Variants in CROCC2 observed in about 807,000 individuals in gnomAD.
CROCC2 encodes the protein ciliary rootlet coiled-coil, rootletin family member 2.
In CROCC2, 163 loss-of-function variants were observed where a neutral mutation model predicts 177.6. The observed-to-expected ratio is 0.92, with a 90% confidence interval of 0.81 to 1.05. The LOEUF (loss-of-function observed/expected upper bound fraction) is 1.05. Among genes scored for constraint, CROCC2 ranks in the 50% least tolerant of loss-of-function variants. The pLI is 0.00. For synonymous variants in CROCC2, 904 were observed against 787.3 expected (o/e 1.15, Z -2.48); for missense variants, 1,929 against 1,797.8 (o/e 1.07, Z -1.32).
intron 1 of CROCC2, among the ~76,000 whole-genome samples, chr2:240,907,553 C>A (rs981781128): frequency 5.3e-5 from 8 of 152,172 alleles, no homozygotes; most frequent in Admixed American, 5.2e-4. Flanking sequence ...ATACAGATCA[C>A]CTGAAAAGAG....
intron 28 of CROCC2, 99 bp from the exon 29 acceptor site, chr2:240,988,640 A>C (rs2059856140): frequency 8.3e-7 from 1 of 1,206,964 alleles, no homozygotes; most frequent in Non-Finnish European, 1.1e-6. Context: ...GGGAATTCAG[A>C]GTCCTTCCCA....
chr2:240,935,092 G>C, intron 13 of CROCC2, 30 bp downstream of exon 13: 1 of 1,323,004 alleles, frequency 7.6e-7, no homozygotes, highest in Non-Finnish European at 9.7e-7. Context: ...GGCGGGCCTC[G>C]CTGGAACCTG....
Position 240,933,678 on chromosome 2 carries a change from C to T in CROCC2, c.1472C>T (p.Ala491Val). 6.5e-7 allele frequency: 1 copy of T among 1,550,194 alleles called. No homozygotes were observed. Among genetic ancestry groups the T allele is most frequent in the Non-Finnish European group, 8.7e-7 (1 of 1,146,732 alleles). ...ASCKLLGREKAALEMVVEELK... is the reference protein window; with the variant it reads ...ASCKLLGREKVALEMVVEELK... ...GCCCCCACCATCCCCAGGGAGAAGGCTGCTCTGGAGATGGTGGTGGAGGAG... is the reference window on the plus strand; with the variant it reads ...GCCCCCACCATCCCCAGGGAGAAGGTTGCTCTGGAGATGGTGGTGGAGGAG... The change falls in exon 11 of 32, where the codon GCT (alanine) becomes GTT (valine). Residue 491 changes from alanine to valine, a missense_variant. Transcript: ENST00000690015.
chr2:240,929,602 G>C (rs1165016887), intron 5 of CROCC2: 1 of 450,766 alleles, frequency 2.2e-6, no homozygotes. Flanking sequence ...TGCTGAACTG[G>C]GTACCCAGTG....
At chr2:240,964,365 A>T in intron 21 of CROCC2, 101 bp from the exon 22 acceptor site, 1 of 1,393,436 alleles carries the variant, frequency 7.2e-7, no homozygotes, top group Non-Finnish European at 9.9e-7. Context: ...CAGAGTCAAG[A>T]CTGGGGCCAG....
In CROCC2 at chr2:240,946,920, C is replaced by T. The variant is rs538696692; in HGVS notation, c.2363+667C>T. ...GGACACATGAGGTGGAGAGTGTGGG[C>T]GGGTGAGCCCAAAGGCCCTCAGGGC... On this transcript the variant is annotated intron_variant, in intron 15 of 31. Coordinates refer to ENST00000690015, the MANE Select transcript of CROCC2 (RefSeq NM_001351305.2). Among the ~76,000 whole-genome samples, 372 of 152,324 alleles carry T rather than the reference C, an allele frequency of 2.4e-3. 2 individuals are homozygous for T. Among genetic ancestry groups the T allele is most frequent in the Non-Finnish European group, 2.6e-3 (174 of 68,024 alleles).
chr2:240,941,988 A>G (rs573336149), intron 14 of CROCC2, among the ~76,000 whole-genome samples: 1 of 152,340 alleles, frequency 6.6e-6, no homozygotes, highest in African/African-American at 2.4e-5. Context: ...TCTCATCCGG[A>G]AAATGCAGCA....
intron 25 of CROCC2, among the ~76,000 whole-genome samples, chr2:240,966,704 C>T (rs918973272): frequency 6.6e-6 from 1 of 152,142 alleles, no homozygotes; most frequent in African/African-American, 2.4e-5. Flanking sequence ...CCCTGAAGAG[C>T]TGCCGGGGCT....
Position 240,973,964 on chromosome 2 carries a change from C to T in CROCC2, c.4401+5702C>T, listed in dbSNP as rs1016575880. ...AATACACTTTAATTCCCTTTCCAAT[C>T]TCTTTTCTGTCAAGGGTCTGCTTTC... On this transcript the variant is annotated intron_variant, in intron 27 of 31. Transcript: ENST00000690015. The surrounding 1 kb of genome is among the most constrained non-coding windows in gnomAD (Gnocchi z 4.7). Among the ~76,000 whole-genome samples the T allele has an allele frequency of 6.6e-6, 1 of 152,226 alleles. No individual in the cohort carries two copies. The highest frequency in any genetic ancestry group is 2.4e-5 in the African/African-American group (1 of 41,464).
chr2:240,922,667 T>G, intron 4 of CROCC2, 22 bp downstream of exon 4: 1 of 578,182 alleles, frequency 1.7e-6, no homozygotes, highest in South Asian at 2.0e-5. Flanking sequence ...TGCGGGGCAG[T>G]CAGGGCTGCA....
At chr2:240,976,242 C>A (rs1410636978) in intron 27 of CROCC2, among the ~76,000 whole-genome samples, 3 of 111,606 alleles carry the variant, frequency 2.7e-5, no homozygotes, top group Non-Finnish European at 3.9e-5. Context: ...CCTGCTCAGT[C>A]TCTGGGGTAG....
At position 240,953,010 on chromosome 2, in the gene CROCC2, C is replaced by T. The variant is rs963763795; in HGVS notation, c.2829+2500C>T. ...GCCCGTCAAGGCCCCCACGCAGCCC[C>T]TCATTCCCATCCGAGACCAACCACT... is the stretch of plus-strand genomic sequence containing the variant. On this transcript the variant is annotated intron_variant, in intron 18 of 31. Transcript: ENST00000690015. The surrounding 1 kb of genome is among the most constrained non-coding windows in gnomAD (Gnocchi z 4.0). Among the ~76,000 whole-genome samples, 11 of 152,302 alleles carry T rather than the reference C, an allele frequency of 7.2e-5. No homozygotes were observed. The East Asian group carries it at 2.1e-3, about 29-fold the overall frequency.
chr2:240,962,039 C>CACAT (rs1475413182), intron 20 of CROCC2, among the ~76,000 whole-genome samples: 115 of 142,532 alleles, frequency 8.1e-4, no homozygotes, highest in African/African-American at 2.9e-3. Context: ...CGCACGCACA[C>CACAT]ACGCGCACAC....
At chr2:240,961,134 G>C (rs1403358314) in intron 20 of CROCC2, among the ~76,000 whole-genome samples, 4 of 152,160 alleles carry the variant, frequency 2.6e-5, no homozygotes, top group Non-Finnish European at 4.4e-5. Context: ...GCAGGCGCCA[G>C]GCTGGCCCAG....
At chr2:240,921,483 G>C (rs1004086852) in intron 3 of CROCC2, among the ~76,000 whole-genome samples, 1 of 152,188 alleles carries the variant, frequency 6.6e-6, no homozygotes, top group Non-Finnish European at 1.5e-5. Context: ...GGGAGATGTT[G>C]GGAACAGGCC....
In CROCC2 at chr2:240,982,840, C is replaced by T; in HGVS notation, c.4402-40C>T. ...GGTTTCCCTGCAGGGCCTCCCACCCCCAGTGTCTCCAGGTGGACCCTGTGT... is the reference window on the plus strand; with the variant it reads ...GGTTTCCCTGCAGGGCCTCCCACCCTCAGTGTCTCCAGGTGGACCCTGTGT... On this transcript the variant is annotated intron_variant, in intron 27 of 31. Coordinates refer to ENST00000690015, the MANE Select transcript of CROCC2 (RefSeq NM_001351305.2). This position sits in a 1 kb window ranked among gnomAD's most constrained non-coding sequence, Gnocchi z 4.7. 1.3e-6 allele frequency: 2 copies of T among 1,525,648 alleles called. No homozygotes were observed. The highest frequency in any genetic ancestry group is 2.1e-4 in the Middle Eastern group (1 of 4,758). 94.5% of individuals were successfully genotyped at this position (1,525,648 alleles called of 1,614,324 possible).
chr2:240,988,321 G>T (rs1255668698), intron 28 of CROCC2, among the ~76,000 whole-genome samples: 2 of 152,222 alleles, frequency 1.3e-5, no homozygotes, highest in Non-Finnish European at 2.9e-5. Context: ...GCCTGTACGA[G>T]CTCAGCAGAT....
intron 27 of CROCC2, among the ~76,000 whole-genome samples, chr2:240,968,764 C>T (rs1177081718): frequency 6.6e-6 from 1 of 152,234 alleles, no homozygotes; most frequent in Non-Finnish European, 1.5e-5. Context: ...CCCTACATGC[C>T]AGGCTTTGTG....
chr2:240,983,452 C>G, intron 28 of CROCC2: 1 of 1,256,558 alleles, frequency 8.0e-7, no homozygotes, highest in Non-Finnish European at 1.0e-6. Flanking sequence ...AGAGGCTCAG[C>G]GGCGGGCAGG....
Sources: gnomAD v4.1 joint callset for allele counts (sites outside exome capture counted in the v4.1 genomes callset) on GRCh38, gnomAD v4.1.1 for gene constraint, Gnocchi (gnomAD v3.1) non-coding constraint, MANE v1.5 for transcripts, NCBI Gene and HGNC (gene_info 2026-07-23, HGNC 2026-07-21) for gene names.